Variants in OTUD7A observed in about 807,000 individuals in gnomAD.
OTUD7A encodes OTU deubiquitinase 7A.
Under a neutral mutation model 65.7 loss-of-function variants are expected in OTUD7A, and 12 were observed. The observed-to-expected ratio is 0.18, with a 90% confidence interval of 0.12 to 0.30. The LOEUF (loss-of-function observed/expected upper bound fraction) is 0.30. Ranked by LOEUF, OTUD7A falls within the 10% of genes least tolerant of loss-of-function variation. OTUD7A has a pLI of 1.00. For synonymous variants in OTUD7A, 641 were observed against 586.3 expected, an observed-to-expected ratio of 1.09 and a Z score of -1.35; for missense variants, 1,148 against 1,304.8, an observed-to-expected ratio of 0.88 and a Z score of 1.85.
intron 1 of OTUD7A, among the ~76,000 whole-genome samples, chr15:31,792,601 G>A (rs1895846476): frequency 6.6e-6 from 1 of 152,060 alleles, no homozygotes; most frequent in South Asian, 2.1e-4. Context: ...CTTCTCCTCT[G>A]GGACCCTTGC....
At chr15:31,509,641 AT>A (rs2041646823) in intron 8 of OTUD7A, among the ~76,000 whole-genome samples, 1 of 152,046 alleles carries the variant, frequency 6.6e-6, no homozygotes, top group Non-Finnish European at 1.5e-5. Context: ...TCATATTTTT[AT>A]GTCTTTTTGT....
At chr15:31,829,236 C>A (rs1896872245) in intron 1 of OTUD7A, among the ~76,000 whole-genome samples, 1 of 152,218 alleles carries the variant, frequency 6.6e-6, no homozygotes, top group Non-Finnish European at 1.5e-5. Flanking sequence ...GGGACAGGGT[C>A]TGCTTAGGCA....
At chr15:31,867,054 C>T (rs1897894620) in intron 1 of OTUD7A, among the ~76,000 whole-genome samples, 1 of 152,146 alleles carries the variant, frequency 6.6e-6, no homozygotes, top group Non-Finnish European at 1.5e-5. Flanking sequence ...GTAACACACC[C>T]AGATGCTGCA....
intron 5 of OTUD7A, 49 bp downstream of exon 5, chr15:31,558,920 C>T (rs1180327566): frequency 1.3e-6 from 2 of 1,588,190 alleles, no homozygotes; most frequent in Non-Finnish European, 1.7e-6. Context: ...GGCCAGCTCA[C>T]CATTCACCAA....
At chr15:31,795,013 T>C (rs1895916001) in intron 1 of OTUD7A, among the ~76,000 whole-genome samples, 1 of 152,262 alleles carries the variant, frequency 6.6e-6, no homozygotes. Context: ...ACTGCGGCTA[T>C]AAATCTTTTA....
intron 3 of OTUD7A, among the ~76,000 whole-genome samples, chr15:31,613,974 A>C (rs757199656): frequency 6.6e-6 from 1 of 152,178 alleles, no homozygotes; most frequent in Non-Finnish European, 1.5e-5. Context: ...TCAGCCATAA[A>C]AGGGAATGAA....
At chr15:31,822,834 A>C (rs1196074974) in intron 1 of OTUD7A, among the ~76,000 whole-genome samples, 3 of 152,214 alleles carry the variant, frequency 2.0e-5, no homozygotes, top group Non-Finnish European at 4.4e-5. Flanking sequence ...CTTGACCTCA[A>C]AGTGGAGGGG....
chr15:31,759,070 G>T (rs193291305), intron 1 of OTUD7A, among the ~76,000 whole-genome samples: 10 of 152,196 alleles, frequency 6.6e-5, no homozygotes, highest in African/African-American at 2.4e-4. Flanking sequence ...CTCTAAGATT[G>T]CTATAACCCT....
At chr15:31,624,612 C>A (rs1398274571) in intron 3 of OTUD7A, among the ~76,000 whole-genome samples, 1 of 152,108 alleles carries the variant, frequency 6.6e-6, no homozygotes. Flanking sequence ...CATAACTGTC[C>A]TCTGTTCAGG....
chr15:31,613,462 A>C (rs1890490549), intron 3 of OTUD7A, among the ~76,000 whole-genome samples: 2 of 152,162 alleles, frequency 1.3e-5, no homozygotes, highest in African/African-American at 2.4e-5. Flanking sequence ...AAAAAAACAA[A>C]CAATCCCGTC....
chr15:31,547,266 G>A (rs9920508), intron 5 of OTUD7A, among the ~76,000 whole-genome samples: 2,564 of 152,280 alleles, frequency 0.017, 40 homozygotes, highest in Non-Finnish European at 0.027. Context: ...TATTTAAGGG[G>A]TACCTTAGAT....
intron 1 of OTUD7A, among the ~76,000 whole-genome samples, chr15:31,769,933 T>C (rs188290924): frequency 1.3e-4 from 20 of 152,264 alleles, no homozygotes; most frequent in Admixed American, 7.2e-4. Flanking sequence ...CTCAGAACTA[T>C]ACAACAAAAA....
chr15:31,779,750 G>T (rs971610773), intron 1 of OTUD7A, among the ~76,000 whole-genome samples: 3 of 152,176 alleles, frequency 2.0e-5, no homozygotes, highest in Non-Finnish European at 4.4e-5. Flanking sequence ...GGGCCACTTT[G>T]GAGCCCTAGG....
intron 7 of OTUD7A, among the ~76,000 whole-genome samples, chr15:31,526,718 G>A (rs370515394): frequency 7.2e-5 from 11 of 152,300 alleles, no homozygotes; most frequent in African/African-American, 1.9e-4. Flanking sequence ...GGGGATGACC[G>A]AGCATTAACC....
chr15:31,548,264 C>T (rs909358514), intron 5 of OTUD7A, among the ~76,000 whole-genome samples: 2 of 150,792 alleles, frequency 1.3e-5, no homozygotes, highest in Non-Finnish European at 3.0e-5. Context: ...TGTTCCTGCG[C>T]GGTGCCCTCA....
chr15:31,613,120 C>A (rs563055867), intron 3 of OTUD7A, among the ~76,000 whole-genome samples: 7 of 152,160 alleles, frequency 4.6e-5, no homozygotes, highest in Non-Finnish European at 7.4e-5. Context: ...GGATCCTCAT[C>A]TCTCACCTTT....
chr15:31,535,722 G>A (rs1266351333), intron 5 of OTUD7A, among the ~76,000 whole-genome samples: 7 of 131,858 alleles, frequency 5.3e-5, no homozygotes, highest in African/African-American at 1.4e-4. Context: ...TGTCACCCAC[G>A]CTGGAGTGCA....
intron 8 of OTUD7A, among the ~76,000 whole-genome samples, chr15:31,514,563 A>G (rs1029041044): frequency 6.6e-6 from 1 of 152,172 alleles, no homozygotes. Flanking sequence ...AGTTAATTCT[A>G]TTTGCAACTT....
rs1894085200 is a variant in OTUD7A, at chr15:31,732,864, T to C, written c.-99-75787A>G. 5.3e-5 allele frequency among the ~76,000 whole-genome samples: 8 copies of C among 152,198 alleles called. No individual in the cohort carries two copies. The South Asian group carries it at 1.7e-3, about 32-fold the overall frequency. ...TTGGTTTCTGTGTTACTCCCCACTTTCCTAGTTGTGCATTCCTTTGGATAT... is the reference window on the plus strand; with the variant it reads ...TTGGTTTCTGTGTTACTCCCCACTTCCCTAGTTGTGCATTCCTTTGGATAT... On this transcript the variant is annotated intron_variant, in intron 1 of 12. Transcript: ENST00000307050.
Sources: gnomAD v4.1 joint callset for allele counts (sites outside exome capture counted in the v4.1 genomes callset) on GRCh38, gnomAD v4.1.1 for gene constraint, MANE v1.5 for transcripts, NCBI Gene and HGNC (gene_info 2026-07-23, HGNC 2026-07-21) for gene names.